Variants in RASGEF1B observed in about 807,000 individuals in gnomAD.
RASGEF1B encodes ras-GEF domain-containing family member 1B.
RASGEF1B carries 30 observed loss-of-function variants against 65.7 expected under a neutral mutation model. That is an observed-to-expected ratio of 0.46 (90% CI 0.34 to 0.62). RASGEF1B has a LOEUF of 0.62. Ranked by LOEUF, RASGEF1B falls within the 20% of genes least tolerant of loss-of-function variation. The probability of loss-of-function intolerance (pLI) is 0.01; values close to 1 mark genes in which losing one functional copy is unlikely to be tolerated. For missense variants in RASGEF1B, 495 were observed against 580.1 expected (o/e 0.85, Z 1.51); for synonymous variants, 175 against 194.8 (o/e 0.90, Z 0.85).
chr4:81,465,669 A>AATTC (rs1196074291), intron 1 of RASGEF1B, among the ~76,000 whole-genome samples: 1 of 152,246 alleles, frequency 6.6e-6, no homozygotes, highest in African/African-American at 2.4e-5. Context: ...GCCTTTTTCT[A>AATTC]AACAGCAGAC....
chr4:81,448,102 G>C lies in RASGEF1B; in HGVS notation c.621C>G (p.Tyr207Ter). The C allele has an allele frequency of 1.9e-6, 3 of 1,614,184 alleles. No individual in the cohort carries two copies. Among genetic ancestry groups the C allele is most frequent in the Non-Finnish European group, 2.5e-6 (3 of 1,180,032 alleles). Residue 207 changes from tyrosine to a stop codon, truncating the protein, a stop_gained, in exon 5 of 14, where the codon TAC becomes TAG. Coordinates refer to ENST00000264400, the MANE Select transcript of RASGEF1B (RefSeq NM_152545.3). LOFTEE classifies it high-confidence loss of function. ...TATGAGTCAGCTGCTGGGCCAACGT[G>C]TAAGGGTCGTTGCAGACAGTAATGA... is the stretch of plus-strand genomic sequence containing the variant. ...RDIITVCNDP[Y>*]TLAQQLTHIE...
intron 1 of RASGEF1B, among the ~76,000 whole-genome samples, chr4:81,467,594 T>C (rs1423873728): frequency 1.3e-5 from 2 of 152,198 alleles, no homozygotes; most frequent in East Asian, 3.9e-4. Context: ...TCCTCGTTCC[T>C]TGTCTTTCAA....
At chr4:81,442,944 T>C (rs1384003201) in intron 8 of RASGEF1B, among the ~76,000 whole-genome samples, 1 of 152,268 alleles carries the variant, frequency 6.6e-6, no homozygotes, top group Non-Finnish European at 1.5e-5. Flanking sequence ...TAGAAACTAA[T>C]GTGTCAAACA....
At chr4:81,456,332 G>T (rs754677722) in intron 4 of RASGEF1B, 76 of 595,070 alleles carry the variant, frequency 1.3e-4, no homozygotes, top group Middle Eastern at 4.4e-4. Context: ...CTAACTAGCT[G>T]TGTCAAACCT....
intron 1 of RASGEF1B, chr4:81,471,117 G>A (rs1302070426): frequency 6.6e-6 from 1 of 152,226 alleles, no homozygotes; most frequent in Non-Finnish European, 1.5e-5. Context: ...AAGTTTGCCA[G>A]GTGAACACCG....
intron 10 of RASGEF1B, among the ~76,000 whole-genome samples, chr4:81,435,235 C>G (rs1425343448): frequency 6.6e-6 from 1 of 151,394 alleles, no homozygotes; most frequent in Admixed American, 6.6e-5. Flanking sequence ...CAAGGTGAAA[C>G]CCCGTCTCTA....
chr4:81,470,763 C>T (rs1304050863), intron 1 of RASGEF1B, among the ~76,000 whole-genome samples: 3 of 152,172 alleles, frequency 2.0e-5, no homozygotes, highest in Non-Finnish European at 4.4e-5. Context: ...AGACAATCTC[C>T]TTGTGTTATC....
chr4:81,466,769 AAAAAGAAAG>A (rs772851512), intron 1 of RASGEF1B, among the ~76,000 whole-genome samples: 194 of 132,874 alleles, frequency 1.5e-3, no homozygotes, highest in East Asian at 5.6e-3. Context: ...AAAAAAAAAA[AAAAAGAAAG>A]AAAGAAAGAA....
chr4:81,429,981 C>T (rs1721366129), intron 13 of RASGEF1B, among the ~76,000 whole-genome samples: 1 of 152,218 alleles, frequency 6.6e-6, no homozygotes, highest in African/African-American at 2.4e-5. Context: ...AAACATCTCC[C>T]TTTGGGCTCC....
chr4:81,430,353 A>T (rs1347006040), intron 13 of RASGEF1B, among the ~76,000 whole-genome samples: 1 of 152,188 alleles, frequency 6.6e-6, no homozygotes, highest in East Asian at 1.9e-4. Context: ...CCTATGTGCG[A>T]CCCGATTCTT....
At chr4:81,453,946 C>G (rs1197371664) in intron 4 of RASGEF1B, 1 of 152,208 alleles carries the variant, frequency 6.6e-6, no homozygotes, top group Non-Finnish European at 1.5e-5. Context: ...GCTAAAGAAA[C>G]AACATCTCCC....
chr4:81,436,195 T>C (rs1050032705), intron 10 of RASGEF1B, among the ~76,000 whole-genome samples: 2 of 152,184 alleles, frequency 1.3e-5, no homozygotes, highest in African/African-American at 4.8e-5. Context: ...ATTTTATTTC[T>C]TCTTGAAGAC....
intron 4 of RASGEF1B, chr4:81,453,071 T>A (rs1040959228): frequency 6.6e-6 from 1 of 151,266 alleles, no homozygotes; most frequent in Non-Finnish European, 1.5e-5. Context: ...TTCCTTCCAA[T>A]AGAGGGAAAT....
intron 4 of RASGEF1B, among the ~76,000 whole-genome samples, chr4:81,449,795 C>T (rs544147021): frequency 2.6e-5 from 4 of 151,962 alleles, no homozygotes; most frequent in Non-Finnish European, 5.9e-5. Context: ...TTACAAAAAC[C>T]CAAACGAAGA....
chr4:81,464,454 A>G (rs1229150326), intron 1 of RASGEF1B, among the ~76,000 whole-genome samples: 1 of 152,192 alleles, frequency 6.6e-6, no homozygotes, highest in Admixed American at 6.5e-5. Flanking sequence ...TCCTACCAAT[A>G]ATACATAAAG....
intron 10 of RASGEF1B, among the ~76,000 whole-genome samples, chr4:81,440,295 T>C (rs1721790603): frequency 6.6e-6 from 1 of 152,018 alleles, no homozygotes; most frequent in African/African-American, 2.4e-5. Context: ...GTTTTAAGAG[T>C]AGGGTAGAGT....
At chr4:81,451,804 C>A (rs1488607794) in intron 4 of RASGEF1B, 1 of 152,228 alleles carries the variant, frequency 6.6e-6, no homozygotes, top group Non-Finnish European at 1.5e-5. Context: ...GCCTCAGCTG[C>A]TATTCCATGC....
At position 81,438,360 on chromosome 4, in the gene RASGEF1B, G is replaced by T. The variant is rs1039025624; in HGVS notation, c.1104+2474C>A. ...TACAAAAGATTCACCATATTGGTCAGGCTGGTCTCGAACTCCTGACCTCAG... is the reference window on the plus strand; with the variant it reads ...TACAAAAGATTCACCATATTGGTCATGCTGGTCTCGAACTCCTGACCTCAG... On this transcript the variant is annotated intron_variant, in intron 10 of 13. Coordinates refer to ENST00000264400, the MANE Select transcript of RASGEF1B (RefSeq NM_152545.3). 1.2e-4 allele frequency among the ~76,000 whole-genome samples: 19 copies of T among 152,352 alleles called. No homozygotes were observed. In the East Asian group the frequency reaches 3.5e-3, roughly 28 times the overall value.
rs376130519 is a variant in RASGEF1B at position 81,432,264 on chromosome 4, C to T, written c.1397+35G>A. On this transcript the variant is annotated intron_variant, in intron 13 of 13. Transcript: ENST00000264400. ...TTCTTCAAGGAAAGCCAATTTCCTT[C>T]AGACTTGTGCAGCAATGAGAAGAAT... The T allele has an allele frequency of 4.2e-6, 6 of 1,443,026 alleles. No homozygotes were observed. The East Asian group carries it at 1.1e-4, about 27-fold the overall frequency. 89.4% of individuals were successfully genotyped at this position (1,443,026 alleles called of 1,614,324 possible). A position where few individuals can be genotyped will look rare whatever the true frequency, so the allele number is the denominator to read the frequency against.
Sources: allele counts gnomAD v4.1 joint callset (sites outside exome capture counted in the v4.1 genomes callset), GRCh38; gene constraint gnomAD v4.1.1; transcripts MANE v1.5; gene names NCBI Gene and HGNC (gene_info 2026-07-23, HGNC 2026-07-21).